MKNK2: variants seen among roughly 807,000 people sequenced by gnomAD.
MKNK2 encodes MAPK interacting serine/threonine kinase 2.
MKNK2 carries 54 observed loss-of-function variants against 55.0 expected under a neutral mutation model. That is an observed-to-expected ratio of 0.98 (90% CI 0.79 to 1.23). The LOEUF is 1.23. MKNK2 is among the 50% of genes most tolerant of loss of function. The probability of loss-of-function intolerance (pLI) is 0.00; values close to 1 mark genes in which losing one functional copy is unlikely to be tolerated. For synonymous variants in MKNK2, 323 were observed against 256.0 expected, an observed-to-expected ratio of 1.26 and a Z score of -2.50; for missense variants, 685 against 632.1, an observed-to-expected ratio of 1.08 and a Z score of -0.90.
chr19:2,040,113 G>A (rs375396019), intron 13 of MKNK2, 21 bp downstream of exon 13: 18 of 1,579,966 alleles, frequency 1.1e-5, no homozygotes, highest in Admixed American at 3.8e-5. Context: ...CAGGGGTCCC[G>A]AGCACCCCTG....
At position 2,037,937 on chromosome 19, in the gene MKNK2, CT is replaced by C; in HGVS notation, c.*1675del. The C allele has an allele frequency of 7.2e-7, 1 of 1,393,290 alleles. No individual in the cohort carries two copies. Among genetic ancestry groups the C allele is most frequent in the Non-Finnish European group, 9.4e-7 (1 of 1,060,298 alleles). The allele number at this position is 1,393,290 out of a possible 1,614,324, so 86.3% of individuals were successfully genotyped here. The stretch of plus-strand genomic sequence containing the variant: ...GCGGGCGGGGGTCCATTTGCTTGTT[CT>C]TTGATACAAAAAGGCAGAGAATCCC... On this transcript the variant is annotated 3_prime_UTR_variant, in exon 14 of 14. Coordinates refer to ENST00000250896, the MANE Select transcript of MKNK2 (RefSeq NM_199054.3).
At chr19:2,048,026 C>T (rs1038449179) in intron 2 of MKNK2, among the ~76,000 whole-genome samples, 1 of 148,810 alleles carries the variant, frequency 6.7e-6, no homozygotes, top group Non-Finnish European at 1.5e-5. Flanking sequence ...CAGTGCTGTA[C>T]TGGTCCTGGG....
Position 2,037,681 on chromosome 19 carries a change from C to A in MKNK2, c.*1932G>T. The A allele has an allele frequency of 2.5e-6, 3 of 1,185,248 alleles. No individual in the cohort carries two copies. The highest frequency in any genetic ancestry group is 2.3e-6 in the Non-Finnish European group (2 of 857,404). The allele number at this position is 1,185,248 out of a possible 1,614,324, so 73.4% of individuals were successfully genotyped here. ...AAAACATCGTAACATTAACACATGG[C>A]CGTTCACCGTCCCCCAGCGATGGGA... On this transcript the variant is annotated 3_prime_UTR_variant, in exon 14 of 14. Transcript: ENST00000250896.
At chr19:2,047,849 G>A (rs2017031862) in intron 2 of MKNK2, among the ~76,000 whole-genome samples, 1 of 151,952 alleles carries the variant, frequency 6.6e-6, no homozygotes, top group Admixed American at 6.6e-5. Context: ...CCTGCCTTCT[G>A]CCCCTACCCA....
Position 2,041,929 on chromosome 19 carries a change from A to G in MKNK2, c.856T>C (p.Tyr286His). 1 of 1,552,114 alleles carries G rather than the reference A, an allele frequency of 6.4e-7. No homozygotes were observed. Among genetic ancestry groups the G allele is most frequent in the Non-Finnish European group, 8.7e-7 (1 of 1,147,834 alleles). ...GGCGGGTAGCCGCTGAGTAGGATATACAAGATGACGCCCAGGCTCCACAGG... is the reference window on the plus strand; with the variant it reads ...GGCGGGTAGCCGCTGAGTAGGATATGCAAGATGACGCCCAGGCTCCACAGG... ...CDLWSLGVIL[Y>H]ILLSGYPPFV... Residue 286 changes from tyrosine to histidine, a missense_variant, in exon 11 of 14, where the codon TAT (tyrosine) becomes CAT (histidine). By Grantham distance (83) the Tyr-to-His change is moderately conservative. Coordinates refer to ENST00000250896, the MANE Select transcript of MKNK2 (RefSeq NM_199054.3).
chr19:2,041,673 G>C (rs1395773459), intron 11 of MKNK2, among the ~76,000 whole-genome samples, 167 bp downstream of exon 11: 1 of 152,116 alleles, frequency 6.6e-6, no homozygotes, highest in Non-Finnish European at 1.5e-5. Context: ...GTCCCCGGGG[G>C]TCTGGGGAGC....
intron 12 of MKNK2, 59 bp downstream of exon 12, chr19:2,040,981 C>G (rs1437407885): frequency 1.9e-6 from 3 of 1,567,618 alleles, no homozygotes; most frequent in African/African-American, 1.4e-5. Context: ...CATGCTCGCT[C>G]TGAGGCCACC....
chr19:2,041,107 A>C lies in MKNK2; in HGVS notation c.1043T>G (p.Leu348Arg). ...CCTCTGCTTGGCGTCACGGACCAGC[A>C]GCTTGGAGATGAGGTCTTTGGCAGC... is the stretch of plus-strand genomic sequence containing the variant. Reference protein sequence around the residue: ...SCAAKDLISKLLVRDAKQRLS... With the variant: ...SCAAKDLISKRLVRDAKQRLS... Residue 348 changes from leucine to arginine, a missense_variant, in exon 12 of 14, where the codon CTG becomes CGG. Leu to Arg is a moderately radical substitution (Grantham distance 102). Coordinates refer to ENST00000250896, the MANE Select transcript of MKNK2 (RefSeq NM_199054.3). 1 of 1,614,052 alleles carries C rather than the reference A, an allele frequency of 6.2e-7. No homozygotes were observed. Among genetic ancestry groups the C allele is most frequent in the Non-Finnish European group, 8.5e-7 (1 of 1,179,964 alleles).
chr19:2,041,797 G>T, intron 11 of MKNK2, 43 bp downstream of exon 11: 1 of 1,458,210 alleles, frequency 6.9e-7, no homozygotes, highest in Non-Finnish European at 9.1e-7. Flanking sequence ...CAGGCCCGGG[G>T]GAGGAGGGTG....
At chr19:2,045,226 G>T (rs1282220550) in intron 5 of MKNK2, among the ~76,000 whole-genome samples, 1 of 152,116 alleles carries the variant, frequency 6.6e-6, no homozygotes, top group Admixed American at 6.5e-5. Context: ...CACCAGTTAG[G>T]ATCCCCCAGA....
chr19:2,050,792 G>A lies in MKNK2; in HGVS notation c.51+9C>T, dbSNP rs1051753235. On this transcript the variant is annotated intron_variant, in intron 2 of 13. Transcript: ENST00000250896. Reference sequence around the variant, plus strand: ...CCCGGAGCGCCCCCAAACCGACCCCGGGCCTCACCTTGAACGAACGGTGGA... The same window carrying A: ...CCCGGAGCGCCCCCAAACCGACCCCAGGCCTCACCTTGAACGAACGGTGGA... 8 of 1,536,256 alleles carry A rather than the reference G, an allele frequency of 5.2e-6. No homozygotes were observed. Among genetic ancestry groups the A allele is most frequent in the South Asian group, 1.2e-5 (1 of 82,876 alleles).
At chr19:2,043,451 A>G in intron 6 of MKNK2, 52 bp downstream of exon 6, 1 of 1,533,200 alleles carries the variant, frequency 6.5e-7, no homozygotes. Flanking sequence ...CAGGCCCTTC[A>G]TCCACTGAAA....
chr19:2,049,431 C>T (rs2017066169), intron 2 of MKNK2, among the ~76,000 whole-genome samples: 1 of 152,168 alleles, frequency 6.6e-6, no homozygotes, highest in African/African-American at 2.4e-5. Flanking sequence ...ACCTCACAGC[C>T]AGGACTGCCT....
chr19:2,048,830 G>T (rs1007999307), intron 2 of MKNK2, among the ~76,000 whole-genome samples: 1 of 152,140 alleles, frequency 6.6e-6, no homozygotes, highest in Non-Finnish European at 1.5e-5. Context: ...ATGGGAGTCA[G>T]CATTCCCATA....
At chr19:2,042,968 C>T in intron 7 of MKNK2, 98 bp from the exon 8 acceptor site, 1 of 1,374,178 alleles carries the variant, frequency 7.3e-7, no homozygotes, top group Non-Finnish European at 1.0e-6. Flanking sequence ...GGGGACGCCC[C>T]CACACTGGCT....
chr19:2,045,598 G>A (rs911237379), intron 5 of MKNK2, among the ~76,000 whole-genome samples: 4 of 152,086 alleles, frequency 2.6e-5, no homozygotes, highest in African/African-American at 4.8e-5. Flanking sequence ...AGCCCTGCTC[G>A]CCAGGGCACA....
chr19:2,042,344 G>T, intron 10 of MKNK2, 83 bp downstream of exon 10: 2 of 1,261,588 alleles, frequency 1.6e-6, no homozygotes, highest in Non-Finnish European at 2.2e-6. Flanking sequence ...GCGGCCTGGA[G>T]CTGCTGGATG....
intron 2 of MKNK2, among the ~76,000 whole-genome samples, chr19:2,047,252 G>A (rs184078815): frequency 1.3e-3 from 204 of 152,304 alleles, no homozygotes; most frequent in Admixed American, 4.0e-3. Context: ...GGTTGGGGGA[G>A]CTCCTGGCAC....
At chr19:2,049,595 G>A (rs1233580869) in intron 2 of MKNK2, among the ~76,000 whole-genome samples, 1 of 152,206 alleles carries the variant, frequency 6.6e-6, no homozygotes. Context: ...AGCAGGCCTT[G>A]GCAGGAGGTG....
Sources: gnomAD v4.1 joint callset for allele counts (sites outside exome capture counted in the v4.1 genomes callset) on GRCh38, gnomAD v4.1.1 for gene constraint, MANE v1.5 for transcripts, NCBI Gene and HGNC (gene_info 2026-07-23, HGNC 2026-07-21) for gene names.